The following CAPN13 variants were observed in gnomAD, a reference collection of about 807,000 sequenced individuals.
CAPN13 encodes the protein calpain 13, also known as calpain-13.
In CAPN13, 90 loss-of-function variants were observed where a neutral mutation model predicts 98.4. That is an observed-to-expected ratio of 0.92 (90% CI 0.77 to 1.09). The LOEUF is 1.09. Ranked by LOEUF, CAPN13 falls within the 50% of genes least tolerant of loss-of-function variation. The pLI is 0.00. For missense variants in CAPN13, 887 were observed against 841.3 expected (o/e 1.05, Z -0.67); for synonymous variants, 330 against 305.5 (o/e 1.08, Z -0.84).
rs186619760 is a variant in CAPN13 at position 30,771,170 on chromosome 2, G to A, written c.388-721C>T. Among the ~76,000 whole-genome samples, 3 of 152,338 alleles carry A rather than the reference G, an allele frequency of 2.0e-5. No individual in the cohort carries two copies. In the East Asian group the frequency reaches 5.8e-4, roughly 29 times the overall value. On this transcript the variant is annotated intron_variant, in intron 4 of 22. Coordinates refer to ENST00000295055, the MANE Select transcript of CAPN13 (RefSeq NM_144575.3). ...AATCTTTAGCATTCAACTCTATATA[G>A]TTCACCGGGGACATGGCCAAATGAG...
At position 30,742,368 on chromosome 2, in the gene CAPN13, T is replaced by C; in HGVS notation, c.1446-9A>G. ...AATGGCTGCTCAGGTGCCTAGAAAA[T>C]CAGAGGACAGTGTGACAAAGATGAC... On this transcript the variant is annotated splice_polypyrimidine_tract_variant and intron_variant, in intron 13 of 22. Coordinates refer to ENST00000295055, the MANE Select transcript of CAPN13 (RefSeq NM_144575.3). The C allele has an allele frequency of 6.2e-7, 1 of 1,603,166 alleles. No homozygotes were observed. Among genetic ancestry groups the C allele is most frequent in the Non-Finnish European group, 8.5e-7 (1 of 1,174,936 alleles).
At chr2:30,758,549 C>T (rs777908025) in intron 7 of CAPN13, among the ~76,000 whole-genome samples, 30 of 152,324 alleles carry the variant, frequency 2.0e-4, no homozygotes, top group Non-Finnish European at 4.1e-4. Context: ...GCCTGATTCT[C>T]TGCCGGCAGC....
intron 11 of CAPN13, 48 bp from the exon 12 acceptor site, chr2:30,745,782 A>C (rs1336828568): frequency 6.4e-7 from 1 of 1,572,116 alleles, no homozygotes; most frequent in Non-Finnish European, 8.6e-7. Flanking sequence ...AGACGTAAAC[A>C]AAAAGGCAAG....
rs1421384780 is a variant in CAPN13, at chr2:30,763,194, A to G, written c.700-38T>C. On this transcript the variant is annotated intron_variant, in intron 6 of 22. Transcript: ENST00000295055. ...AAAGCAGATCAAACATTAGACATCT[A>G]CAGGTTCTTCAAAGAAATAGAAAAA... 1.9e-6 allele frequency: 3 copies of G among 1,567,856 alleles called. No individual in the cohort carries two copies. The African/African-American group carries it at 4.1e-5, about 21-fold the overall frequency.
chr2:30,755,066 T>A (rs1489650049), intron 8 of CAPN13, among the ~76,000 whole-genome samples: 3 of 152,130 alleles, frequency 2.0e-5, no homozygotes, highest in Non-Finnish European at 4.4e-5. Flanking sequence ...CTTTCTCACC[T>A]TACCCCCACT....
At position 30,753,214 on chromosome 2, in the gene CAPN13, A is replaced by G. The variant is rs769311234; in HGVS notation, c.942-16T>C. 6 of 1,613,702 alleles carry G rather than the reference A, an allele frequency of 3.7e-6. No homozygotes were observed. In the South Asian group the frequency reaches 6.6e-5, roughly 18 times the overall value. ...ACACGACATCCTGTTAAAAACAGAT[A>G]TACATCACTCAGTGACCAGGGGTTG... is the stretch of plus-strand genomic sequence containing the variant. On this transcript the variant is annotated splice_polypyrimidine_tract_variant and intron_variant, in intron 9 of 22. Coordinates refer to ENST00000295055, the MANE Select transcript of CAPN13 (RefSeq NM_144575.3).
chr2:30,801,919 G>A (rs1429218176), intron 1 of CAPN13, among the ~76,000 whole-genome samples: 1 of 152,330 alleles, frequency 6.6e-6, no homozygotes, highest in East Asian at 1.9e-4. Flanking sequence ...GAATTCTCAA[G>A]GCATGGCTGG....
In CAPN13 at chr2:30,732,433, C is replaced by T; in HGVS notation, c.1927+5G>A. The T allele has an allele frequency of 5.0e-6, 8 of 1,613,238 alleles. No homozygotes were observed. Among genetic ancestry groups the T allele is most frequent in the Non-Finnish European group, 6.8e-6 (8 of 1,179,820 alleles). On this transcript the variant is annotated splice_donor_5th_base_variant and intron_variant, in intron 20 of 22. Transcript: ENST00000295055. ...GTCTCTGGGATGCCCCTTGGGGACA[C>T]TTACTTGCCATGGCTTCAAGCCGCA...
chr2:30,741,990 G>A (rs749921448), intron 14 of CAPN13, 26 bp from the exon 15 acceptor site: 17 of 1,606,948 alleles, frequency 1.1e-5, no homozygotes, highest in African/African-American at 5.3e-5. Context: ...AATAGTCAAT[G>A]TTAGACTTCT....
intron 5 of CAPN13, among the ~76,000 whole-genome samples, chr2:30,769,911 A>G (rs1382261271): frequency 6.6e-6 from 1 of 151,920 alleles, no homozygotes; most frequent in Non-Finnish European, 1.5e-5. Flanking sequence ...CCTTGCTGAA[A>G]TCCTGCCCAT....
At position 30,723,111 on chromosome 2, in the gene CAPN13, C is replaced by G. The variant is rs1380285085; in HGVS notation, c.*156G>C. 6.6e-6 allele frequency: 1 copy of G among 152,302 alleles called. No individual in the cohort carries two copies. Among genetic ancestry groups the G allele is most frequent in the Non-Finnish European group, 1.5e-5 (1 of 68,096 alleles). 9.4% of individuals were successfully genotyped at this position (152,302 alleles called of 1,614,324 possible). On this transcript the variant is annotated 3_prime_UTR_variant, in exon 23 of 23. Transcript: ENST00000295055. ...GGGCCAGCCAAGGACCGAACCCAGG[C>G]TGTTGGGAGACAGCTTGGACTCTGT...
intron 7 of CAPN13, among the ~76,000 whole-genome samples, chr2:30,759,409 G>C (rs1318007910): frequency 6.6e-6 from 1 of 152,176 alleles, no homozygotes; most frequent in Non-Finnish European, 1.5e-5. Flanking sequence ...GCATCCCCGG[G>C]AGCCGGCAGC....
chr2:30,792,206 C>T (rs986153441), intron 1 of CAPN13, among the ~76,000 whole-genome samples: 2 of 151,800 alleles, frequency 1.3e-5, no homozygotes, highest in Admixed American at 6.6e-5. Context: ...AAACAGAAGA[C>T]GGATAAGAGC....
intron 7 of CAPN13, among the ~76,000 whole-genome samples, chr2:30,761,177 G>C (rs1267810574): frequency 6.6e-6 from 1 of 152,162 alleles, no homozygotes; most frequent in Non-Finnish European, 1.5e-5. Flanking sequence ...TTTTCATAGA[G>C]GCTAGTGCTT....
At chr2:30,738,820 A>G (rs1333259389) in intron 15 of CAPN13, among the ~76,000 whole-genome samples, 6 of 152,176 alleles carry the variant, frequency 3.9e-5, no homozygotes, top group Non-Finnish European at 8.8e-5. Flanking sequence ...TGTGTTCCCC[A>G]TCTGCTTCCA....
chr2:30,743,362 C>T (rs1489163829), intron 13 of CAPN13, 21 bp downstream of exon 13: 2 of 1,598,064 alleles, frequency 1.3e-6, no homozygotes, highest in East Asian at 2.2e-5. Context: ...AAAACATTTA[C>T]AATCCCAGAG....
intron 1 of CAPN13, among the ~76,000 whole-genome samples, chr2:30,790,356 C>A (rs978773739): frequency 2.0e-5 from 3 of 152,278 alleles, no homozygotes; most frequent in African/African-American, 7.2e-5. Context: ...TGCTGAAAGG[C>A]CTACCTGATA....
chr2:30,761,622 C>T (rs533175345), intron 7 of CAPN13, among the ~76,000 whole-genome samples: 2 of 152,328 alleles, frequency 1.3e-5, no homozygotes, highest in East Asian at 3.9e-4. Context: ...ATGGCAAATA[C>T]ATTGCAAAGG....
chr2:30,756,369 T>G (rs1223258051), intron 8 of CAPN13, among the ~76,000 whole-genome samples: 1 of 152,186 alleles, frequency 6.6e-6, no homozygotes, highest in Non-Finnish European at 1.5e-5. Context: ...TCATACTTCC[T>G]CTGCCACAAG....
Sources: gnomAD v4.1 joint callset for allele counts (sites outside exome capture counted in the v4.1 genomes callset) on GRCh38, gnomAD v4.1.1 for gene constraint, MANE v1.5 for transcripts, NCBI Gene and HGNC (gene_info 2026-07-23, HGNC 2026-07-21) for gene names.